The following SPG21 variants were observed in gnomAD, a reference collection of about 807,000 sequenced individuals.
SPG21 encodes maspardin.
In SPG21, 26 loss-of-function variants were observed where a neutral mutation model predicts 38.9. The ratio of observed to expected loss-of-function variants is 0.67; its 90% CI spans 0.49 to 0.93. SPG21 has a LOEUF of 0.93. SPG21 is among the 40% of genes least tolerant of loss of function. SPG21 has a pLI of 0.00. For synonymous variants in SPG21, 136 were observed against 128.9 expected (o/e 1.05, Z -0.37); for missense variants, 333 against 376.5 (o/e 0.88, Z 0.96).
chr15:64,979,772 G>A (rs758689297), intron 3 of SPG21, among the ~76,000 whole-genome samples: 2 of 147,552 alleles, frequency 1.4e-5, no homozygotes, highest in Non-Finnish European at 3.0e-5. Context: ...TACTGCAGGC[G>A]ACTGCCAGCT....
intron 4 of SPG21, among the ~76,000 whole-genome samples, chr15:64,975,832 A>C (rs1566928368): frequency 6.6e-6 from 1 of 152,166 alleles, no homozygotes; most frequent in Non-Finnish European, 1.5e-5. Flanking sequence ...TTAAACTCAC[A>C]ATGCTAAATA....
intron 7 of SPG21, 122 bp downstream of exon 7, chr15:64,969,133 A>C (rs1011182078): frequency 2.7e-6 from 2 of 730,740 alleles, no homozygotes; most frequent in African/African-American, 3.6e-5. Flanking sequence ...CTGGAGGGTA[A>C]AAACAAAAGC....
rs1442353110 is a variant in SPG21, at chr15:64,974,622, G to A, written c.432C>T (p.Asn144=). The change falls in exon 5 of 9, where the codon AAC becomes AAT. Residue 144 remains asparagine (N), a synonymous_variant. Coordinates refer to ENST00000204566, the MANE Select transcript of SPG21 (RefSeq NM_016630.7). ...CNSFSDTSIF[N]QTWTANSFWL... ...CTTACCTGTTTGCAGTCCAAGTTTGGTTGAAGATAGAGGTGTCACTGAAGG... is the reference window on the plus strand; with the variant it reads ...CTTACCTGTTTGCAGTCCAAGTTTGATTGAAGATAGAGGTGTCACTGAAGG... 1 of 1,614,158 alleles carries A rather than the reference G, an allele frequency of 6.2e-7. No homozygotes were observed. The highest frequency in any genetic ancestry group is 1.7e-5 in the Admixed American group (1 of 60,026).
chr15:64,980,736 TCAACAAAC>T, intron 3 of SPG21, 120 bp downstream of exon 3: 5 of 761,712 alleles, frequency 6.6e-6, no homozygotes, highest in Non-Finnish European at 9.9e-6. Context: ...AGAATCCATC[TCAACAAAC>T]AAACAAACAA....
chr15:64,980,250 A>C (rs1472102182), intron 3 of SPG21, among the ~76,000 whole-genome samples: 1 of 152,178 alleles, frequency 6.6e-6, no homozygotes, highest in Non-Finnish European at 1.5e-5. Context: ...TCTGTAAAGA[A>C]GGACAACGCT....
intron 1 of SPG21, among the ~76,000 whole-genome samples, chr15:64,985,651 C>A (rs957369818): frequency 6.6e-6 from 1 of 152,202 alleles, no homozygotes; most frequent in Non-Finnish European, 1.5e-5. Flanking sequence ...AGGTGAGATT[C>A]GTGAGACCTA....
chr15:64,972,887 G>C (rs2085698720), intron 5 of SPG21, among the ~76,000 whole-genome samples: 1 of 152,104 alleles, frequency 6.6e-6, no homozygotes, highest in Non-Finnish European at 1.5e-5. Context: ...AAATATCAGA[G>C]TGCAATTTTA....
intron 8 of SPG21, among the ~76,000 whole-genome samples, chr15:64,964,054 C>T (rs1231597400): frequency 6.6e-6 from 1 of 152,172 alleles, no homozygotes; most frequent in East Asian, 1.9e-4. Context: ...CTGCACCCTG[C>T]CAGAATCATT....
intron 7 of SPG21, 89 bp from the exon 8 acceptor site, chr15:64,965,549 GTTC>G: frequency 6.4e-7 from 1 of 1,569,468 alleles, no homozygotes; most frequent in Non-Finnish European, 8.7e-7. Flanking sequence ...GTTTTAATAT[GTTC>G]TTTTCACATT....
At chr15:64,964,975 C>A (rs1318614854) in intron 8 of SPG21, among the ~76,000 whole-genome samples, 1 of 152,094 alleles carries the variant, frequency 6.6e-6, no homozygotes, top group Non-Finnish European at 1.5e-5. Context: ...AGTCACTTCA[C>A]AGGACTCAGA....
chr15:64,974,539 C>A, intron 5 of SPG21, 63 bp downstream of exon 5: 1 of 1,591,992 alleles, frequency 6.3e-7, no homozygotes, highest in Non-Finnish European at 8.6e-7. Context: ...CCTAATGTAC[C>A]AAACACTCAA....
chr15:64,977,115 G>C (rs1011868453), intron 3 of SPG21, among the ~76,000 whole-genome samples: 14 of 152,152 alleles, frequency 9.2e-5, no homozygotes, highest in Non-Finnish European at 1.9e-4. Flanking sequence ...GCCCAGGCTG[G>C]AGTGCAGCGG....
At chr15:64,979,562 GT>G (rs542175918) in intron 3 of SPG21, among the ~76,000 whole-genome samples, 337 of 152,254 alleles carry the variant, frequency 2.2e-3, no homozygotes, top group Middle Eastern at 3.4e-3. Flanking sequence ...GATGATAACT[GT>G]TTTCTCAAGT....
At chr15:64,981,236 C>A in intron 2 of SPG21, 1 of 563,674 alleles carries the variant, frequency 1.8e-6, no homozygotes, top group Non-Finnish European at 3.1e-6. Context: ...CTACTTAGAA[C>A]TACTTTATAA....
intron 4 of SPG21, among the ~76,000 whole-genome samples, chr15:64,976,144 G>T (rs2085767322): frequency 6.6e-6 from 1 of 152,164 alleles, no homozygotes; most frequent in Non-Finnish European, 1.5e-5. Context: ...ATAAAAGAGG[G>T]CTCGGCACGG....
intron 5 of SPG21, among the ~76,000 whole-genome samples, chr15:64,970,643 A>G (rs2085643664): frequency 6.6e-6 from 1 of 152,238 alleles, no homozygotes; most frequent in Non-Finnish European, 1.5e-5. Flanking sequence ...AAATACCAAT[A>G]TGAAAGCTAT....
At chr15:64,978,068 T>C (rs1194639352) in intron 3 of SPG21, among the ~76,000 whole-genome samples, 4 of 150,098 alleles carry the variant, frequency 2.7e-5, no homozygotes, top group Non-Finnish European at 5.9e-5. Flanking sequence ...CCTGATCTTG[T>C]GATCCGCCTG....
chr15:64,985,394 T>G (rs577582861), intron 1 of SPG21, among the ~76,000 whole-genome samples: 1 of 152,194 alleles, frequency 6.6e-6, no homozygotes, highest in African/African-American at 2.4e-5. Context: ...CTAAGGAGAA[T>G]GAAGGGGGCC....
At chr15:64,980,432 C>G (rs980922046) in intron 3 of SPG21, among the ~76,000 whole-genome samples, 1 of 152,052 alleles carries the variant, frequency 6.6e-6, no homozygotes, top group Non-Finnish European at 1.5e-5. Flanking sequence ...CAAACAGTAT[C>G]TTTCCTCAAT....
Sources: gnomAD v4.1 joint callset for allele counts (sites outside exome capture counted in the v4.1 genomes callset) on GRCh38, gnomAD v4.1.1 for gene constraint, MANE v1.5 for transcripts, NCBI Gene and HGNC (gene_info 2026-07-23, HGNC 2026-07-21) for gene names.